The following GRIK1 variants were observed in gnomAD, a reference collection of about 807,000 sequenced individuals.
GRIK1 encodes the protein glutamate receptor ionotropic, kainate 1.
A neutral mutation model predicts 105.7 loss-of-function variants in GRIK1; 69 were observed. The ratio of observed to expected loss-of-function variants is 0.65; its 90% CI spans 0.54 to 0.80. GRIK1 has a LOEUF of 0.80. Among genes scored for constraint, GRIK1 ranks in the 30% least tolerant of loss-of-function variants. The pLI is 0.00. For synonymous variants in GRIK1, 438 were observed against 431.3 expected (o/e 1.02, Z -0.19); for missense variants, 1,109 against 1,167.3 (o/e 0.95, Z 0.73).
At chr21:29,557,290 C>A (rs2090281872) in intron 15 of GRIK1, among the ~76,000 whole-genome samples, 1 of 152,090 alleles carries the variant, frequency 6.6e-6, no homozygotes, top group Non-Finnish European at 1.5e-5. Flanking sequence ...AATGAGGCAT[C>A]TTAGGACTAG....
chr21:29,556,905 G>T (rs1250378932), intron 15 of GRIK1, among the ~76,000 whole-genome samples: 1 of 152,184 alleles, frequency 6.6e-6, no homozygotes, highest in African/African-American at 2.4e-5. Context: ...AGTACATACT[G>T]ATTAATGCAC....
At chr21:29,891,299 C>T (rs984399810) in intron 1 of GRIK1, among the ~76,000 whole-genome samples, 5 of 152,118 alleles carry the variant, frequency 3.3e-5, no homozygotes, top group Non-Finnish European at 7.4e-5. Flanking sequence ...GAGAATCTCA[C>T]GCAAATATCA....
chr21:29,839,920 C>T (rs535164277), intron 1 of GRIK1, among the ~76,000 whole-genome samples: 4 of 152,224 alleles, frequency 2.6e-5, no homozygotes, highest in Admixed American at 2.6e-4. Context: ...GGAAGGTAGA[C>T]TATTCTATAC....
chr21:29,810,034 A>G (rs545352238), intron 1 of GRIK1, among the ~76,000 whole-genome samples: 1 of 152,302 alleles, frequency 6.6e-6, no homozygotes, highest in East Asian at 1.9e-4. Flanking sequence ...ACGGTGGGTC[A>G]TGCCTGTAAT....
At chr21:29,901,699 C>T (rs1001113026) in intron 1 of GRIK1, among the ~76,000 whole-genome samples, 1 of 152,100 alleles carries the variant, frequency 6.6e-6, no homozygotes, top group East Asian at 1.9e-4. Flanking sequence ...GATTCACAGC[C>T]GAATTCTACC....
At chr21:29,683,574 G>C (rs566777506) in intron 3 of GRIK1, among the ~76,000 whole-genome samples, 18 of 152,206 alleles carry the variant, frequency 1.2e-4, no homozygotes, top group African/African-American at 4.3e-4. Flanking sequence ...GCTAAACATT[G>C]GGTACACGTG....
At chr21:29,846,079 A>G (rs986801607) in intron 1 of GRIK1, among the ~76,000 whole-genome samples, 1 of 152,088 alleles carries the variant, frequency 6.6e-6, no homozygotes, top group Non-Finnish European at 1.5e-5. Flanking sequence ...CCAAATAGAA[A>G]ATGGAAGACA....
At chr21:29,602,850 T>C (rs1220116903) in intron 7 of GRIK1, among the ~76,000 whole-genome samples, 1 of 152,196 alleles carries the variant, frequency 6.6e-6, no homozygotes, top group African/African-American at 2.4e-5. Context: ...TGTGTTGCCA[T>C]GGTCAGATGT....
chr21:29,635,675 G>C (rs947612053), intron 7 of GRIK1, among the ~76,000 whole-genome samples: 1 of 152,210 alleles, frequency 6.6e-6, no homozygotes, highest in Non-Finnish European at 1.5e-5. Flanking sequence ...ATTGGGATTA[G>C]AGACAACCCC....
intron 15 of GRIK1, among the ~76,000 whole-genome samples, chr21:29,560,364 T>TTTCTTTCTTC (rs2090394173): frequency 1.7e-4 from 6 of 35,930 alleles, no homozygotes; most frequent in African/African-American, 2.5e-4. Context: ...TCTTTTTCTT[T>TTTCTTTCTTC]CTTCCTTCCT....
At chr21:29,873,368 A>G (rs1215838149) in intron 1 of GRIK1, among the ~76,000 whole-genome samples, 2 of 152,206 alleles carry the variant, frequency 1.3e-5, no homozygotes, top group East Asian at 3.8e-4. Flanking sequence ...TTAAGAGTTC[A>G]GAGCCCTCAG....
intron 3 of GRIK1, among the ~76,000 whole-genome samples, chr21:29,675,602 G>A (rs1173270254): frequency 6.6e-6 from 1 of 152,018 alleles, no homozygotes; most frequent in Non-Finnish European, 1.5e-5. Flanking sequence ...AACATTTGCT[G>A]GATGCTCATT....
chr21:29,841,594 A>G (rs953689548), intron 1 of GRIK1, among the ~76,000 whole-genome samples: 24 of 152,278 alleles, frequency 1.6e-4, no homozygotes, highest in African/African-American at 5.8e-4. Flanking sequence ...TATAGTCAAC[A>G]TCACAAAGGA....
intron 1 of GRIK1, among the ~76,000 whole-genome samples, chr21:29,938,324 A>G (rs1312591092): frequency 1.3e-5 from 2 of 152,232 alleles, no homozygotes; most frequent in Non-Finnish European, 2.9e-5. Flanking sequence ...TAAGAGACCC[A>G]TGTGATGTCA....
Position 29,651,141 on chromosome 21 carries a change from C to G in GRIK1, c.931G>C (p.Gly311Arg), listed in dbSNP as rs750916308. Reference protein sequence around the residue: ...RLQAPPRPETGLLDGMMTTEA... With the variant: ...RLQAPPRPETRLLDGMMTTEA... ...ACTGTCATCATGCCATCCAAAAGGC[C>G]AGTCTCGGGCCTGGGTGGGGCCTGC... The change falls in exon 6 of 18, where the codon GGC becomes CGC. Residue 311 changes from glycine (G) to arginine (R), a missense_variant. Around this residue, in one of 5 missense-constraint regions of GRIK1, gnomAD observed 612 missense variants for 586.0 expected, o/e 1.04. Coordinates refer to ENST00000327783, the MANE Select transcript of GRIK1 (RefSeq NM_001330994.2). 6.2e-7 allele frequency: 1 copy of G among 1,608,922 alleles called. No individual in the cohort carries two copies. The highest frequency in any genetic ancestry group is 8.5e-7 in the Non-Finnish European group (1 of 1,178,562).
chr21:29,563,118 TTA>T (rs928569992), intron 14 of GRIK1, among the ~76,000 whole-genome samples: 1 of 152,186 alleles, frequency 6.6e-6, no homozygotes, highest in Admixed American at 6.5e-5. Flanking sequence ...GTTATCACAG[TTA>T]TATATAGTGC....
At chr21:29,750,489 C>A (rs2065166542) in intron 1 of GRIK1, among the ~76,000 whole-genome samples, 1 of 152,140 alleles carries the variant, frequency 6.6e-6, no homozygotes, top group Admixed American at 6.5e-5. Flanking sequence ...AGATTTGAGA[C>A]TCAGAATCAC....
At chr21:29,719,081 C>CAT (rs71335089) in intron 1 of GRIK1, among the ~76,000 whole-genome samples, 13,220 of 143,048 alleles carry the variant, frequency 0.092, 784 homozygotes, top group African/African-American at 0.16. Flanking sequence ...TGTGTATATA[C>CAT]ATATATATAT....
At chr21:29,739,869 C>G (rs2064883197) in intron 1 of GRIK1, among the ~76,000 whole-genome samples, 2 of 152,238 alleles carry the variant, frequency 1.3e-5, no homozygotes, top group Middle Eastern at 3.4e-3. Flanking sequence ...ATATTATCAC[C>G]TTTCTCTTTG....
Sources: gnomAD v4.1 joint callset for allele counts (sites outside exome capture counted in the v4.1 genomes callset) on GRCh38, gnomAD v4.1.1 for gene constraint, gnomAD v4.1.1 regional missense constraint, MANE v1.5 for transcripts, NCBI Gene and HGNC (gene_info 2026-07-23, HGNC 2026-07-21) for gene names.